The following RABGAP1L variants were observed in gnomAD, a reference collection of about 807,000 sequenced individuals.
The protein encoded by RABGAP1L is rab GTPase-activating protein 1-like.
In RABGAP1L, 63 loss-of-function variants were observed where a neutral mutation model predicts 137.7. That is an observed-to-expected ratio of 0.46 (90% CI 0.37 to 0.56). RABGAP1L has a LOEUF of 0.56. Among genes scored for constraint, RABGAP1L ranks in the 20% least tolerant of loss-of-function variants. RABGAP1L has a pLI of 0.00. For synonymous variants in RABGAP1L, 431 were observed against 433.7 expected (o/e 0.99, Z 0.08); for missense variants, 1,095 against 1,244.0 (o/e 0.88, Z 1.80).
At chr1:174,176,958 C>G (rs1418654166) in intron 1 of RABGAP1L, among the ~76,000 whole-genome samples, 1 of 151,910 alleles carries the variant, frequency 6.6e-6, no homozygotes, top group East Asian at 1.9e-4. Flanking sequence ...CGCCTGTAAT[C>G]CCAGCTACTC....
chr1:174,269,754 C>T (rs1246494269), intron 7 of RABGAP1L, among the ~76,000 whole-genome samples: 1 of 152,122 alleles, frequency 6.6e-6, no homozygotes, highest in Non-Finnish European at 1.5e-5. Context: ...TATGTACTTA[C>T]AGGTATTTTA....
intron 14 of RABGAP1L, among the ~76,000 whole-genome samples, chr1:174,647,120 G>A (rs1228475933): frequency 2.0e-5 from 3 of 152,052 alleles, no homozygotes; most frequent in East Asian, 3.8e-4. Context: ...GAGACAGTGG[G>A]GTTTTCTAAA....
At chr1:174,247,568 G>A (rs1436986937) in intron 5 of RABGAP1L, among the ~76,000 whole-genome samples, 2 of 152,122 alleles carry the variant, frequency 1.3e-5, no homozygotes, top group Non-Finnish European at 2.9e-5. Flanking sequence ...ATTAGAAACC[G>A]GGTCCACCCA....
At chr1:174,811,713 G>T in intron 18 of RABGAP1L, 119 bp from the exon 19 acceptor site, 4 of 1,003,142 alleles carry the variant, frequency 4.0e-6, no homozygotes, top group South Asian at 6.6e-5. Context: ...AAAATGTTTG[G>T]AACTAACTTA....
chr1:174,473,418 G>C (rs149472204), intron 13 of RABGAP1L, among the ~76,000 whole-genome samples: 15 of 152,238 alleles, frequency 9.9e-5, no homozygotes, highest in African/African-American at 3.4e-4. Flanking sequence ...AGCATCTACT[G>C]CCCAGAGCAC....
rs1423502954 is a variant in RABGAP1L at position 174,976,130 on chromosome 1, G to A, written c.2597G>A (p.Arg866Lys). The A allele has an allele frequency of 6.4e-7, 1 of 1,551,094 alleles. No homozygotes were observed. The highest frequency in any genetic ancestry group is 8.7e-7 in the Non-Finnish European group (1 of 1,147,098). ...LNKELLLTKQ[R>K]LVETEEEKRK... is the part of the protein sequence containing the mutation. The stretch of plus-strand genomic sequence containing the variant: ...AAAGAGCTCCTTTTGACCAAACAGA[G>A]GCTGGTGGAGACTGAAGAGGAGAAG... Residue 866 changes from arginine to lysine, a missense_variant, in exon 22 of 26, where the codon AGG (arginine) becomes AAG (lysine). Arg to Lys is a conservative substitution (Grantham distance 26). This residue lies in a region of RABGAP1L where 312 missense variants were observed against 435.6 expected (regional missense o/e 0.72). Coordinates refer to ENST00000681986, the MANE Select transcript of RABGAP1L (RefSeq NM_001366446.1).
chr1:174,918,824 C>CA (rs11418291), intron 19 of RABGAP1L, among the ~76,000 whole-genome samples: 1 of 29,720 alleles, frequency 3.4e-5, no homozygotes, highest in Non-Finnish European at 5.8e-5. Context: ...GTGAGACCCA[C>CA]CCCCCCGATC....
At chr1:174,797,683 TGGG>T (rs951930155) in intron 18 of RABGAP1L, among the ~76,000 whole-genome samples, 1 of 47,560 alleles carries the variant, frequency 2.1e-5, no homozygotes, top group Non-Finnish European at 4.1e-5. Flanking sequence ...TGGGGAGGTG[TGGG>T]GGGATGTGTG....
intron 13 of RABGAP1L, among the ~76,000 whole-genome samples, chr1:174,565,749 G>T (rs1445941197): frequency 6.6e-6 from 1 of 152,122 alleles, no homozygotes; most frequent in Non-Finnish European, 1.5e-5. Context: ...AATGTTTTCA[G>T]ACAGGTAATT....
chr1:174,423,456 A>G lies in RABGAP1L; in HGVS notation c.1710+29311A>G, dbSNP rs369428627. 6.7e-5 allele frequency among the ~76,000 whole-genome samples: 10 copies of G among 149,810 alleles called. No individual in the cohort carries two copies. In the East Asian group the frequency reaches 1.2e-3, roughly 17 times the overall value. ...TTCTTTATTCTGTTCTGGAAAATGTACTATGAATAAAACTGCTTTTTCTCT... is the reference window on the plus strand; with the variant it reads ...TTCTTTATTCTGTTCTGGAAAATGTGCTATGAATAAAACTGCTTTTTCTCT... On this transcript the variant is annotated intron_variant, in intron 13 of 25. Coordinates refer to ENST00000681986, the MANE Select transcript of RABGAP1L (RefSeq NM_001366446.1).
chr1:174,705,298 T>C (rs140911873), intron 17 of RABGAP1L: 1 of 152,200 alleles, frequency 6.6e-6, no homozygotes, highest in Non-Finnish European at 1.5e-5. Context: ...TCCATGGGTT[T>C]TCTGGAACCT....
In RABGAP1L at chr1:174,357,060, A is replaced by C. The variant is rs549807362; in HGVS notation, c.1466-13919A>C. Among the ~76,000 whole-genome samples the C allele has an allele frequency of 1.1e-4, 17 of 152,274 alleles. No individual in the cohort carries two copies. The South Asian group carries it at 3.5e-3, about 32-fold the overall frequency. On this transcript the variant is annotated intron_variant, in intron 11 of 25. Transcript: ENST00000681986. ...TTTTTGAAGGATAACAGTAAACTGC[A>C]GTAGATGAGGAAAATGTTCATGAAA...
At chr1:174,512,365 T>C (rs1201282094) in intron 13 of RABGAP1L, among the ~76,000 whole-genome samples, 2 of 152,168 alleles carry the variant, frequency 1.3e-5, no homozygotes, top group Admixed American at 6.5e-5. Flanking sequence ...CCAGCAAACA[T>C]GTTCTTGTTA....
At chr1:174,494,480 C>A (rs987254903) in intron 13 of RABGAP1L, among the ~76,000 whole-genome samples, 1 of 152,230 alleles carries the variant, frequency 6.6e-6, no homozygotes, top group Non-Finnish European at 1.5e-5. Context: ...TCTTGGTTTT[C>A]CATGTGAAAT....
chr1:174,636,410 C>G (rs1674040194), intron 13 of RABGAP1L, among the ~76,000 whole-genome samples: 1 of 152,092 alleles, frequency 6.6e-6, no homozygotes, highest in African/African-American at 2.4e-5. Flanking sequence ...CACCTGTAAT[C>G]CCAGCTACTT....
intron 17 of RABGAP1L, among the ~76,000 whole-genome samples, chr1:174,724,915 A>G (rs367554471): frequency 7.9e-5 from 12 of 152,192 alleles, no homozygotes; most frequent in African/African-American, 2.9e-4. Context: ...GGTGATGAGT[A>G]GGGGAAGTGC....
At chr1:174,449,519 C>T (rs1049587766) in intron 13 of RABGAP1L, among the ~76,000 whole-genome samples, 4 of 152,182 alleles carry the variant, frequency 2.6e-5, no homozygotes, top group Admixed American at 2.6e-4. Flanking sequence ...GCATTTCTGT[C>T]TTTCTGTCTG....
At chr1:174,650,219 C>T (rs1331777442) in intron 14 of RABGAP1L, among the ~76,000 whole-genome samples, 9 of 152,030 alleles carry the variant, frequency 5.9e-5, no homozygotes, top group Non-Finnish European at 1.3e-4. Context: ...TTTGATGTGC[C>T]ACTTGATTCG....
chr1:174,657,217 GCATTTCCATCTGAAATATTTAT>G (rs1302146656), intron 14 of RABGAP1L, among the ~76,000 whole-genome samples: 1 of 152,062 alleles, frequency 6.6e-6, no homozygotes, highest in African/African-American at 2.4e-5. Flanking sequence ...AAGGTAATTA[GCATTTCCATCTGAAATATTTAT>G]CATTTCTTTG....
Sources: gnomAD v4.1 joint callset for allele counts (sites outside exome capture counted in the v4.1 genomes callset) on GRCh38, gnomAD v4.1.1 for gene constraint, gnomAD v4.1.1 regional missense constraint, MANE v1.5 for transcripts, NCBI Gene and HGNC (gene_info 2026-07-23, HGNC 2026-07-21) for gene names.